The following DGKI variants were observed in gnomAD, a reference collection of about 807,000 sequenced individuals.
DGKI encodes DAG kinase iota.
In DGKI, 55 loss-of-function variants were observed where a neutral mutation model predicts 147.5. The ratio of observed to expected loss-of-function variants is 0.37; its 90% CI spans 0.30 to 0.47. DGKI has a LOEUF of 0.47. Ranked by LOEUF, DGKI falls within the 20% of genes least tolerant of loss-of-function variation. The pLI is 1.00. For missense variants in DGKI, 1,007 were observed against 1,323.8 expected (o/e 0.76, Z 3.71); for synonymous variants, 469 against 477.1 (o/e 0.98, Z 0.22).
chr7:137,639,215 A>G (rs776909287), intron 6 of DGKI, among the ~76,000 whole-genome samples: 2 of 152,222 alleles, frequency 1.3e-5, no homozygotes, highest in Non-Finnish European at 2.9e-5. Context: ...GAAATATGCA[A>G]TGAGATCAGT....
intron 28 of DGKI, among the ~76,000 whole-genome samples, chr7:137,413,758 GTT>G (rs1485214770): frequency 6.6e-6 from 1 of 152,252 alleles, no homozygotes; most frequent in East Asian, 1.9e-4. Flanking sequence ...GTACATATGT[GTT>G]TTTGGTAGGA....
chr7:137,707,414 T>C (rs1029861574), intron 1 of DGKI, among the ~76,000 whole-genome samples: 6 of 152,258 alleles, frequency 3.9e-5, no homozygotes, highest in African/African-American at 1.2e-4. Flanking sequence ...CTCCCAGCAC[T>C]GACCATTGAT....
chr7:137,691,629 G>A (rs116051884), intron 1 of DGKI, among the ~76,000 whole-genome samples: 118 of 152,184 alleles, frequency 7.8e-4, no homozygotes, highest in Admixed American at 2.3e-3. Context: ...CCTGCTCAGC[G>A]ACCTCTGCAA....
intron 8 of DGKI, among the ~76,000 whole-genome samples, chr7:137,615,246 C>A (rs1187510577): frequency 2.0e-5 from 3 of 152,028 alleles, no homozygotes; most frequent in African/African-American, 7.2e-5. Flanking sequence ...TAGTAGGAGG[C>A]ACTCTTTTAT....
rs1283700332 is a variant in DGKI at position 137,846,157 on chromosome 7, T to A, written c.401+305A>T. On this transcript the variant is annotated intron_variant, in intron 1 of 32. Transcript: ENST00000614521. The surrounding 1 kb of genome is among the most constrained non-coding windows in gnomAD (Gnocchi z 4.0). ...CTTTCTCTCTCTCTCTCTCTCTCTCTCTCTCACACACACACACACACACAC... is the reference window on the plus strand; with the variant it reads ...CTTTCTCTCTCTCTCTCTCTCTCTCACTCTCACACACACACACACACACAC... Among the ~76,000 whole-genome samples, 5 of 138,606 alleles carry A rather than the reference T, an allele frequency of 3.6e-5. No individual in the cohort carries two copies. Among genetic ancestry groups the A allele is most frequent in the Admixed American group, 1.4e-4 (2 of 13,944 alleles). The allele number at this position is 138,606 out of a possible 152,430, so 90.9% of individuals were successfully genotyped here.
chr7:137,554,785 C>T (rs1254295098), intron 19 of DGKI, among the ~76,000 whole-genome samples: 1 of 151,746 alleles, frequency 6.6e-6, no homozygotes, highest in Non-Finnish European at 1.5e-5. Context: ...AACAAAGTAC[C>T]CGAAGGAAAA....
chr7:137,449,456 C>T lies in DGKI; in HGVS notation c.2736-5354G>A, dbSNP rs1813863904. On this transcript the variant is annotated intron_variant, in intron 27 of 32. Transcript: ENST00000614521. ...CTAAATGCAGAAGAATATAATTAGA[C>T]TCTTACTGCACACCATGTGCAAAAA... 3.3e-5 allele frequency among the ~76,000 whole-genome samples: 5 copies of T among 152,162 alleles called. No individual in the cohort carries two copies. The East Asian group carries it at 9.6e-4, about 29-fold the overall frequency.
At chr7:137,477,697 C>A (rs1815222330) in intron 23 of DGKI, among the ~76,000 whole-genome samples, 1 of 152,076 alleles carries the variant, frequency 6.6e-6, no homozygotes, top group African/African-American at 2.4e-5. Flanking sequence ...CACCCTGTCA[C>A]CCAGGCGGGA....
chr7:137,622,816 C>T (rs114495168), intron 7 of DGKI, among the ~76,000 whole-genome samples: 208 of 152,084 alleles, frequency 1.4e-3, no homozygotes, highest in African/African-American at 4.6e-3. Flanking sequence ...TGGTACAGAC[C>T]GAGGAATTAC....
intron 3 of DGKI, among the ~76,000 whole-genome samples, chr7:137,674,682 G>A (rs770616782): frequency 5.9e-5 from 9 of 152,006 alleles, no homozygotes; most frequent in Non-Finnish European, 1.0e-4. Flanking sequence ...TTGCCACCTC[G>A]TTTGTACAGA....
Position 137,846,169 on chromosome 7 carries a change from A to ACAC in DGKI, c.401+290_401+292dup, listed in dbSNP as rs1165041979. ...CTCTCTCTCTCTCTCTCTCACACAC[A>ACAC]CACACACACACACACACACACACAC... On this transcript the variant is annotated intron_variant, in intron 1 of 32. Transcript: ENST00000614521. The surrounding 1 kb of genome is among the most constrained non-coding windows in gnomAD (Gnocchi z 4.0). Among the ~76,000 whole-genome samples, 1 of 77,002 alleles carries ACAC rather than the reference A, an allele frequency of 1.3e-5. No individual in the cohort carries two copies. The highest frequency in any genetic ancestry group is 2.8e-5 in the Non-Finnish European group (1 of 35,766). 50.5% of individuals were successfully genotyped at this position (77,002 alleles called of 152,430 possible). A position where few individuals can be genotyped will look rare whatever the true frequency, so the allele number is the denominator to read the frequency against.
chr7:137,625,674 G>T (rs1364754007), intron 6 of DGKI, among the ~76,000 whole-genome samples: 1 of 149,908 alleles, frequency 6.7e-6, no homozygotes, highest in Non-Finnish European at 1.5e-5. Context: ...GAGGTAGGCA[G>T]ATTGCTTGAG....
At position 137,485,272 on chromosome 7, in the gene DGKI, C is replaced by G. The variant is rs528962242; in HGVS notation, c.2373+102G>C. On this transcript the variant is annotated intron_variant, in intron 23 of 32. Coordinates refer to ENST00000614521, the MANE Select transcript of DGKI (RefSeq NM_001321708.2). ...CTAGATTCTTAGAATGAACTCTATCCCTAGGGAAGATGTGAACTCTAAATC... is the reference window on the plus strand; with the variant it reads ...CTAGATTCTTAGAATGAACTCTATCGCTAGGGAAGATGTGAACTCTAAATC... 1.4e-4 allele frequency: 127 copies of G among 886,672 alleles called. 1 individual carries two copies. In the East Asian group the frequency reaches 3.2e-3, roughly 22 times the overall value. The allele number at this position is 886,672 out of a possible 1,614,324, so 54.9% of individuals were successfully genotyped here.
intron 20 of DGKI, 113 bp downstream of exon 20, chr7:137,552,256 C>G: frequency 2.8e-6 from 3 of 1,088,890 alleles, no homozygotes; most frequent in Non-Finnish European, 4.0e-6. Context: ...TACTGAGTCT[C>G]CTGGACTTTT....
In DGKI at chr7:137,703,083, G is replaced by GA. The variant is rs543538055; in HGVS notation, c.402-13082dup. On this transcript the variant is annotated intron_variant, in intron 1 of 32. Transcript: ENST00000614521. ...AACTACCTGAGAGTGGGTAATTTAT[G>GA]AAAAAAAAGAGGTTTAATTGACTCA... Among the ~76,000 whole-genome samples, 337 of 151,836 alleles carry GA rather than the reference G, an allele frequency of 2.2e-3. 1 individual carries two copies. Among genetic ancestry groups the GA allele is most frequent in the Non-Finnish European group, 3.7e-3 (252 of 67,904 alleles).
At chr7:137,415,888 C>A (rs1016995793) in intron 28 of DGKI, among the ~76,000 whole-genome samples, 1 of 152,092 alleles carries the variant, frequency 6.6e-6, no homozygotes, top group Non-Finnish European at 1.5e-5. Flanking sequence ...ACTCAGGAGG[C>A]TGAGGCAGAG....
intron 20 of DGKI, among the ~76,000 whole-genome samples, chr7:137,535,037 C>A (rs947420571): frequency 1.3e-5 from 2 of 152,084 alleles, no homozygotes; most frequent in South Asian, 4.1e-4. Flanking sequence ...GAAACCAACC[C>A]TGCTGACACC....
intron 28 of DGKI, among the ~76,000 whole-genome samples, chr7:137,438,862 A>G (rs1027065392): frequency 2.0e-5 from 3 of 152,238 alleles, no homozygotes; most frequent in African/African-American, 7.2e-5. Context: ...GTACAAATTC[A>G]AAATACATAA....
chr7:137,545,318 T>A (rs1254622204), intron 20 of DGKI, among the ~76,000 whole-genome samples: 6 of 152,186 alleles, frequency 3.9e-5, no homozygotes, highest in Non-Finnish European at 8.8e-5. Flanking sequence ...AATTCTGAGC[T>A]GAAATGCTAA....
Sources: allele counts gnomAD v4.1 joint callset (sites outside exome capture counted in the v4.1 genomes callset), GRCh38; gene constraint gnomAD v4.1.1; non-coding constraint Gnocchi (gnomAD v3.1); transcripts MANE v1.5; gene names NCBI Gene and HGNC (gene_info 2026-07-23, HGNC 2026-07-21).